Variants in CSMD1 observed in about 807,000 individuals in gnomAD.
The protein encoded by CSMD1 is CUB and Sushi multiple domains 1, also known as CUB and sushi domain-containing protein 1.
A neutral mutation model predicts 417.5 loss-of-function variants in CSMD1; 213 were observed. That is an observed-to-expected ratio of 0.51 (90% CI 0.46 to 0.57). The LOEUF is 0.57. CSMD1 is among the 20% of genes least tolerant of loss of function. The pLI, the probability that CSMD1 is intolerant of heterozygous loss-of-function variation, is 0.00. For synonymous variants in CSMD1, 2,862 were observed against 1,736.8 expected, an observed-to-expected ratio of 1.65 and a Z score of -16.11; for missense variants, 6,923 against 4,529.7, an observed-to-expected ratio of 1.53 and a Z score of -15.17.
chr8:4,929,841 A>T (rs1276864617), intron 1 of CSMD1, among the ~76,000 whole-genome samples: 1 of 152,176 alleles, frequency 6.6e-6, no homozygotes, highest in Non-Finnish European at 1.5e-5. Flanking sequence ...AAACATCCCC[A>T]TTGGCAAATT....
chr8:4,340,255 G>A (rs761425900), intron 3 of CSMD1, among the ~76,000 whole-genome samples: 21 of 151,916 alleles, frequency 1.4e-4, no homozygotes, highest in Non-Finnish European at 2.5e-4. Flanking sequence ...ACTGAAGCCT[G>A]GAAGATTTGT....
chr8:4,696,695 A>G (rs546052848), intron 1 of CSMD1, among the ~76,000 whole-genome samples: 1 of 152,330 alleles, frequency 6.6e-6, no homozygotes, highest in East Asian at 1.9e-4. Context: ...GGTATGACCC[A>G]TGAAGGCAAG....
At chr8:3,846,178 A>G (rs919645117) in intron 5 of CSMD1, among the ~76,000 whole-genome samples, 6 of 152,216 alleles carry the variant, frequency 3.9e-5, no homozygotes, top group African/African-American at 1.4e-4. Flanking sequence ...ACATAAGTGT[A>G]TGTGCTAGGC....
chr8:4,141,914 G>C (rs533955602), intron 3 of CSMD1, among the ~76,000 whole-genome samples: 28 of 151,022 alleles, frequency 1.9e-4, no homozygotes, highest in Non-Finnish European at 1.5e-5. Context: ...ACTTCTTAGA[G>C]TGTGATATTT....
intron 26 of CSMD1, among the ~76,000 whole-genome samples, chr8:3,235,946 C>T (rs1799129231): frequency 1.0e-5 from 1 of 96,616 alleles, no homozygotes; most frequent in Non-Finnish European, 2.0e-5. Flanking sequence ...GAGACAGAGT[C>T]TTGATCTGTC....
chr8:4,707,269 T>C (rs868029404), intron 1 of CSMD1, among the ~76,000 whole-genome samples: 3 of 152,324 alleles, frequency 2.0e-5, no homozygotes, highest in Middle Eastern at 6.8e-3. Context: ...AGGTAAGGAA[T>C]ATTAGGTCTT....
intron 2 of CSMD1, among the ~76,000 whole-genome samples, chr8:4,627,538 T>C (rs1802189987): frequency 1.3e-5 from 2 of 152,196 alleles, no homozygotes; most frequent in South Asian, 4.1e-4. Flanking sequence ...TCATTTCCTT[T>C]TGAAAGACAA....
intron 68 of CSMD1, among the ~76,000 whole-genome samples, chr8:2,945,760 G>A (rs755457893): frequency 7.9e-5 from 12 of 151,846 alleles, no homozygotes; most frequent in Non-Finnish European, 1.8e-4. Context: ...CCTTCCACAC[G>A]TTATTATTGG....
chr8:4,486,152 T>TAC (rs1801378352), intron 2 of CSMD1, among the ~76,000 whole-genome samples: 1 of 24,574 alleles, frequency 4.1e-5, no homozygotes. Context: ...CATATATATA[T>TAC]ATATACATAC....
intron 10 of CSMD1, among the ~76,000 whole-genome samples, chr8:3,556,392 A>ATATATATATATATATATATATAT (rs1554468279): frequency 0.016 from 1,886 of 120,190 alleles, 107 homozygotes; most frequent in South Asian, 0.029. Flanking sequence ...TATAATAATT[A>ATATATATATATATATATATATAT]ATATATATAT....
At chr8:4,628,491 GTA>G (rs1802266470) in intron 2 of CSMD1, among the ~76,000 whole-genome samples, 1 of 146,804 alleles carries the variant, frequency 6.8e-6, no homozygotes, top group Admixed American at 6.8e-5. Context: ...CACAGTATCA[GTA>G]TATACACACA....
intron 17 of CSMD1, among the ~76,000 whole-genome samples, chr8:3,394,196 T>G (rs1336672535): frequency 1.4e-5 from 2 of 146,752 alleles, no homozygotes; most frequent in Non-Finnish European, 3.0e-5. Context: ...GTCATTCTTT[T>G]AAGATTATAA....
At chr8:4,042,611 G>T (rs1019182471) in intron 3 of CSMD1, among the ~76,000 whole-genome samples, 1 of 151,746 alleles carries the variant, frequency 6.6e-6, no homozygotes, top group Non-Finnish European at 1.5e-5. Flanking sequence ...AATGATACCC[G>T]TATGGGGAAT....
intron 2 of CSMD1, among the ~76,000 whole-genome samples, chr8:4,453,026 G>C (rs538370030): frequency 7.2e-5 from 11 of 152,082 alleles, no homozygotes; most frequent in Non-Finnish European, 1.5e-4. Context: ...CAATTTAAGG[G>C]ACAACTTAGA....
intron 3 of CSMD1, among the ~76,000 whole-genome samples, chr8:4,228,455 A>G (rs1378908778): frequency 1.3e-5 from 2 of 152,140 alleles, no homozygotes; most frequent in African/African-American, 2.4e-5. Flanking sequence ...GGTCACCTGA[A>G]AGCAGCACCA....
Position 4,712,739 on chromosome 8 carries a change from T to G in CSMD1, c.86-75181A>C, listed in dbSNP as rs76712630. 9.2e-4 allele frequency among the ~76,000 whole-genome samples: 140 copies of G among 152,334 alleles called. 2 individuals carry two copies. The East Asian group carries it at 0.019, about 20-fold the overall frequency. Reference sequence around the variant, plus strand: ...CTCTCTCTTTTTTCACTTGTGATATTAAAGGTGTTTTGTTTCCTCCTTCTT... The same window carrying G: ...CTCTCTCTTTTTTCACTTGTGATATGAAAGGTGTTTTGTTTCCTCCTTCTT... On this transcript the variant is annotated intron_variant, in intron 1 of 69. Coordinates refer to ENST00000635120, the MANE Select transcript of CSMD1 (RefSeq NM_033225.6).
At chr8:3,967,498 G>C (rs1368897536) in intron 5 of CSMD1, among the ~76,000 whole-genome samples, 1 of 152,074 alleles carries the variant, frequency 6.6e-6, no homozygotes, top group Non-Finnish European at 1.5e-5. Flanking sequence ...AAATACATGT[G>C]TTGCGGACTT....
intron 7 of CSMD1, among the ~76,000 whole-genome samples, chr8:3,674,635 T>C (rs1053734946): frequency 6.6e-6 from 1 of 152,126 alleles, no homozygotes; most frequent in Non-Finnish European, 1.5e-5. Flanking sequence ...ATTTTACAGA[T>C]AATAAAACTG....
chr8:3,464,021 A>C lies in CSMD1; in HGVS notation c.1561+4691T>G, dbSNP rs1458332043. Among the ~76,000 whole-genome samples the C allele has an allele frequency of 2.0e-5, 3 of 152,334 alleles. No individual in the cohort carries two copies. The East Asian group carries it at 5.8e-4, about 29-fold the overall frequency. The stretch of plus-strand genomic sequence containing the variant: ...TATGAAATGGTGATGCTGAAGTCAA[A>C]TAATTTTACTGGAATCACTCTTAGT... On this transcript the variant is annotated intron_variant, in intron 12 of 69. Transcript: ENST00000635120.
Sources: allele counts gnomAD v4.1 joint callset (sites outside exome capture counted in the v4.1 genomes callset), GRCh38; gene constraint gnomAD v4.1.1; transcripts MANE v1.5; gene names NCBI Gene and HGNC (gene_info 2026-07-23, HGNC 2026-07-21).